The following PRKG1 variants were observed in gnomAD, a reference collection of about 807,000 sequenced individuals.
The protein encoded by PRKG1 is protein kinase cGMP-dependent 1, also known as cGMP-dependent protein kinase 1.
In PRKG1, 35 loss-of-function variants were observed where a neutral mutation model predicts 88.1. The ratio of observed to expected loss-of-function variants is 0.40; its 90% CI spans 0.30 to 0.53. PRKG1 has a LOEUF of 0.53. Ranked by LOEUF, PRKG1 falls within the 20% of genes least tolerant of loss-of-function variation. The probability of loss-of-function intolerance (pLI) is 0.59; values close to 1 mark genes in which losing one functional copy is unlikely to be tolerated. For missense variants in PRKG1, 540 were observed against 839.8 expected (o/e 0.64, Z 4.41); for synonymous variants, 303 against 292.5 (o/e 1.04, Z -0.37).
At chr10:52,040,658 A>G (rs915691846) in intron 5 of PRKG1, among the ~76,000 whole-genome samples, 1 of 152,066 alleles carries the variant, frequency 6.6e-6, no homozygotes, top group Admixed American at 6.6e-5. Context: ...TCCAATTTGG[A>G]TGACTTTTGT....
At chr10:51,942,806 A>G (rs1260164653) in intron 5 of PRKG1, among the ~76,000 whole-genome samples, 8 of 150,448 alleles carry the variant, frequency 5.3e-5, no homozygotes, top group South Asian at 2.1e-4. Context: ...TGTTCCATTG[A>G]TCTATATCTC....
At chr10:51,669,904 T>C (rs2132345807) in intron 3 of PRKG1, among the ~76,000 whole-genome samples, 1 of 152,332 alleles carries the variant, frequency 6.6e-6, no homozygotes, top group South Asian at 2.1e-4. Context: ...TTAATTATGC[T>C]AAGTTTTTAT....
At chr10:51,634,551 T>C (rs1232393571) in intron 3 of PRKG1, among the ~76,000 whole-genome samples, 3 of 152,110 alleles carry the variant, frequency 2.0e-5, no homozygotes. Flanking sequence ...GGACACTTTC[T>C]GTAAGGAATT....
intron 2 of PRKG1, among the ~76,000 whole-genome samples, chr10:51,332,660 GAGTT>G (rs917743520): frequency 9.5e-4 from 145 of 152,244 alleles, no homozygotes; most frequent in African/African-American, 3.1e-3. Context: ...GAGAGGGAGA[GAGTT>G]AGTTTCTGGC....
At chr10:51,665,145 T>G (rs1051651565) in intron 3 of PRKG1, among the ~76,000 whole-genome samples, 2 of 152,200 alleles carry the variant, frequency 1.3e-5, no homozygotes, top group Admixed American at 1.3e-4. Flanking sequence ...TGAATCGTTA[T>G]CTGGGCATAA....
intron 3 of PRKG1, among the ~76,000 whole-genome samples, chr10:51,490,313 A>G (rs1285609811): frequency 6.6e-6 from 1 of 152,162 alleles, no homozygotes; most frequent in Non-Finnish European, 1.5e-5. Flanking sequence ...TTGCATTTAT[A>G]GGTAAACACT....
At chr10:52,147,260 C>T (rs1589648440) in intron 8 of PRKG1, among the ~76,000 whole-genome samples, 1 of 152,224 alleles carries the variant, frequency 6.6e-6, no homozygotes, top group Middle Eastern at 3.4e-3. Flanking sequence ...AGGAACAAAA[C>T]ATTATGACTT....
At chr10:51,439,816 G>C (rs2132745075) in intron 2 of PRKG1, among the ~76,000 whole-genome samples, 1 of 151,970 alleles carries the variant, frequency 6.6e-6, no homozygotes, top group South Asian at 2.1e-4. Flanking sequence ...TACTAAGATT[G>C]AATGGTGGAA....
At chr10:51,537,265 G>C (rs746078024) in intron 3 of PRKG1, among the ~76,000 whole-genome samples, 2 of 152,118 alleles carry the variant, frequency 1.3e-5, no homozygotes, top group African/African-American at 2.4e-5. Flanking sequence ...GTCTTGCATA[G>C]CATCTAATAG....
chr10:51,996,245 G>C (rs1844438069), intron 5 of PRKG1, among the ~76,000 whole-genome samples: 1 of 146,296 alleles, frequency 6.8e-6, no homozygotes, highest in African/African-American at 2.5e-5. Flanking sequence ...AACCCGGGCA[G>C]TGGAGGTTGC....
chr10:51,383,528 G>A (rs1017290468), intron 2 of PRKG1, among the ~76,000 whole-genome samples: 4 of 152,130 alleles, frequency 2.6e-5, no homozygotes, highest in African/African-American at 7.2e-5. Flanking sequence ...AGAGGCACAC[G>A]GAGTTTAAGT....
chr10:51,358,721 A>C (rs536010850), intron 2 of PRKG1, among the ~76,000 whole-genome samples: 1 of 152,046 alleles, frequency 6.6e-6, no homozygotes, highest in Non-Finnish European at 1.5e-5. Context: ...TGGGAGAGTT[A>C]AAATTTACTT....
chr10:51,972,416 C>T (rs1843732926), intron 5 of PRKG1, among the ~76,000 whole-genome samples: 1 of 152,132 alleles, frequency 6.6e-6, no homozygotes, highest in Admixed American at 6.6e-5. Context: ...TGGTCATATA[C>T]TGAAGGTGAG....
chr10:51,843,370 A>G (rs2132784096), intron 4 of PRKG1, among the ~76,000 whole-genome samples: 1 of 152,326 alleles, frequency 6.6e-6, no homozygotes, highest in East Asian at 1.9e-4. Context: ...GCGTTGGGGT[A>G]TACCAAGTCA....
intron 4 of PRKG1, among the ~76,000 whole-genome samples, chr10:51,835,420 G>A (rs1381255978): frequency 6.6e-6 from 1 of 152,162 alleles, no homozygotes; most frequent in Non-Finnish European, 1.5e-5. Context: ...GTTGTGAACT[G>A]ACTGGTTCTG....
intron 5 of PRKG1, among the ~76,000 whole-genome samples, chr10:52,053,638 CT>C (rs1439905755): frequency 2.6e-5 from 4 of 152,154 alleles, no homozygotes; most frequent in Non-Finnish European, 4.4e-5. Context: ...ATTGAAATTA[CT>C]TTTGTTCATT....
rs530262126 is a variant in PRKG1 at position 51,993,776 on chromosome 10, T to C, written c.763-60708T>C. 2.6e-5 allele frequency among the ~76,000 whole-genome samples: 4 copies of C among 152,348 alleles called. No individual in the cohort carries two copies. The East Asian group carries it at 7.7e-4, about 29-fold the overall frequency. On this transcript the variant is annotated intron_variant, in intron 5 of 17. Transcript: ENST00000373980. Reference sequence around the variant, plus strand: ...CTCAGTGTTTTGATTTACATGACAATTGTCAGGTTGACTTCAAGCTTCCCA... The same window carrying C: ...CTCAGTGTTTTGATTTACATGACAACTGTCAGGTTGACTTCAAGCTTCCCA...
chr10:52,001,933 G>T (rs75957924), intron 5 of PRKG1, among the ~76,000 whole-genome samples: 1 of 151,782 alleles, frequency 6.6e-6, no homozygotes, highest in Non-Finnish European at 1.5e-5. Context: ...TGTGAAGTTG[G>T]GGCTGATTCT....
intron 2 of PRKG1, among the ~76,000 whole-genome samples, chr10:51,429,839 A>G (rs536380586): frequency 1.3e-5 from 2 of 152,084 alleles, no homozygotes; most frequent in Admixed American, 6.5e-5. Flanking sequence ...AGAAAAGAAT[A>G]TACAAGAAAA....
Sources: gnomAD v4.1 joint callset for allele counts (sites outside exome capture counted in the v4.1 genomes callset) on GRCh38, gnomAD v4.1.1 for gene constraint, MANE v1.5 for transcripts, NCBI Gene and HGNC (gene_info 2026-07-23, HGNC 2026-07-21) for gene names.